The following OCA2 variants were observed in gnomAD, a reference collection of about 807,000 sequenced individuals.
The protein encoded by OCA2 is P protein.
Under a neutral mutation model 100.2 loss-of-function variants are expected in OCA2, and 77 were observed. The observed-to-expected ratio is 0.77, with a 90% CI of 0.64 to 0.93. OCA2 has a LOEUF of 0.93. Ranked by LOEUF, OCA2 falls within the 40% of genes least tolerant of loss-of-function variation. The probability of loss-of-function intolerance (pLI) is 0.00; values close to 1 mark genes in which losing one functional copy is unlikely to be tolerated. For missense variants in OCA2, 1,062 were observed against 1,089.1 expected (o/e 0.98, Z 0.35); for synonymous variants, 432 against 439.2 (o/e 0.98, Z 0.21).
At chr15:28,069,100 G>A (rs1016184573) in intron 2 of OCA2, among the ~76,000 whole-genome samples, 3 of 152,076 alleles carry the variant, frequency 2.0e-5, no homozygotes, top group Non-Finnish European at 4.4e-5. Context: ...AAAGCAGTCA[G>A]GCAAGAGGAA....
At chr15:28,067,337 T>C (rs1179464684) in intron 2 of OCA2, among the ~76,000 whole-genome samples, 1 of 152,004 alleles carries the variant, frequency 6.6e-6, no homozygotes, top group Non-Finnish European at 1.5e-5. Flanking sequence ...TGATCTTTCG[T>C]ATGGATTTTT....
At chr15:27,805,285 C>G (rs1279071319) in intron 23 of OCA2, among the ~76,000 whole-genome samples, 1 of 152,266 alleles carries the variant, frequency 6.6e-6, no homozygotes, top group Admixed American at 6.5e-5. Context: ...GTTGAAAACA[C>G]AGCGCGGGCA....
chr15:27,808,320 G>C (rs2033940947), intron 23 of OCA2, among the ~76,000 whole-genome samples: 1 of 152,246 alleles, frequency 6.6e-6, no homozygotes, highest in Admixed American at 6.5e-5. Flanking sequence ...GGGAGCCTGA[G>C]CTGGCCATGG....
At chr15:27,949,962 A>C (rs1258654071) in intron 18 of OCA2, among the ~76,000 whole-genome samples, 1 of 152,212 alleles carries the variant, frequency 6.6e-6, no homozygotes. Context: ...AGGATTTAAA[A>C]GCAGAAAATA....
At chr15:27,875,181 A>G (rs912228640) in intron 19 of OCA2, among the ~76,000 whole-genome samples, 2 of 152,224 alleles carry the variant, frequency 1.3e-5, no homozygotes, top group Non-Finnish European at 2.9e-5. Flanking sequence ...TAAAACTACA[A>G]ATCAACTCTA....
rs559968093 is a variant in OCA2 at position 27,838,621 on chromosome 15, A to G, written c.2432+6338T>C. On this transcript the variant is annotated intron_variant, in intron 23 of 23. Coordinates refer to ENST00000354638, the MANE Select transcript of OCA2 (RefSeq NM_000275.3). ...TAAAACTATTAGACTCTGAAGATAA[A>G]TTTGTAAAACCCTCCAAGCCTGTAG... Among the ~76,000 whole-genome samples the G allele has an allele frequency of 2.5e-4, 38 of 152,352 alleles. No homozygotes were observed. In the South Asian group the frequency reaches 6.8e-3, roughly 27 times the overall value.
chr15:27,826,271 T>C (rs1271992004), intron 23 of OCA2, among the ~76,000 whole-genome samples: 1 of 152,186 alleles, frequency 6.6e-6, no homozygotes, highest in Non-Finnish European at 1.5e-5. Flanking sequence ...AGTTACTGCA[T>C]TCCATGCCTG....
At position 27,896,438 on chromosome 15, in the gene OCA2, G is replaced by A. The variant is rs1595596212; in HGVS notation, c.2080-24516C>T. On this transcript the variant is annotated intron_variant, in intron 19 of 23. Transcript: ENST00000354638. ...AGAAAGCTCATGCTGCTATATGAGA[G>A]AATCCCATCTAGGAGAAGAAGCCCA... The A allele has an allele frequency of 3.2e-5, 22 of 684,124 alleles. No individual in the cohort carries two copies. In the East Asian group the frequency reaches 5.6e-4, roughly 17 times the overall value. 42.4% of individuals were successfully genotyped at this position (684,124 alleles called of 1,614,324 possible).
intron 2 of OCA2, among the ~76,000 whole-genome samples, chr15:28,069,459 CG>C (rs1158276982): frequency 2.5e-5 from 3 of 118,196 alleles, no homozygotes; most frequent in Non-Finnish European, 5.0e-5. Context: ...CCCTCTCATG[CG>C]GGGCCGAAGC....
In OCA2 at chr15:27,983,483, C is replaced by A. The variant is rs778045887; in HGVS notation, c.1365G>T (p.Arg455Ser). Residue 455 changes from arginine to serine, a missense_variant and splice_region_variant, in exon 14 of 24, where the codon AGG becomes AGT. Physicochemically the swap from Arg to Ser is moderately radical, Grantham distance 110. Coordinates refer to ENST00000354638, the MANE Select transcript of OCA2 (RefSeq NM_000275.3). ...TMLLFTPVTIRLCEVLNLDPR... is the reference protein window; with the variant it reads ...TMLLFTPVTISLCEVLNLDPR... The stretch of plus-strand genomic sequence containing the variant: ...GATCAAGGTTGAGCACCTCACACAA[C>A]CTGTCACAAATGGAGGAAAATGAAA... The A allele has an allele frequency of 6.2e-7, 1 of 1,614,220 alleles. No individual in the cohort carries two copies. Among genetic ancestry groups the A allele is most frequent in the Non-Finnish European group, 8.5e-7 (1 of 1,180,036 alleles).
intron 23 of OCA2, among the ~76,000 whole-genome samples, chr15:27,777,829 T>C (rs2032322523): frequency 6.6e-6 from 1 of 152,202 alleles, no homozygotes; most frequent in Admixed American, 6.5e-5. Flanking sequence ...CTGTTGACTA[T>C]TCTGACTGCC....
In OCA2 at chr15:27,913,854, A is replaced by G. The variant is rs200071260; in HGVS notation, c.2079+12273T>C. 7.2e-4 allele frequency among the ~76,000 whole-genome samples: 29 copies of G among 40,142 alleles called. 2 individuals carry two copies. In the South Asian group the frequency reaches 8.3e-3, roughly 12 times the overall value. 26.3% of individuals were successfully genotyped at this position (40,142 alleles called of 152,430 possible). The stretch of plus-strand genomic sequence containing the variant: ...AGAAAGAAAGGAAAGAAAGAAAGAA[A>G]GAAAGAAAGAAAGAAAGAAAGAAAG... On this transcript the variant is annotated intron_variant, in intron 19 of 23. Coordinates refer to ENST00000354638, the MANE Select transcript of OCA2 (RefSeq NM_000275.3).
chr15:27,770,870 C>CCATCCCCTT (rs2031734550), intron 23 of OCA2, among the ~76,000 whole-genome samples: 1 of 135,726 alleles, frequency 7.4e-6, no homozygotes, highest in African/African-American at 3.4e-5. Flanking sequence ...TCCTTCCTTC[C>CCATCCCCTT]CTCCTTCCTT....
At chr15:27,990,522 T>G in intron 10 of OCA2, 54 bp downstream of exon 10, 13 of 1,535,556 alleles carry the variant, frequency 8.5e-6, no homozygotes, top group African/African-American at 1.4e-5. Flanking sequence ...GGAACATCTT[T>G]GAGCTGACAT....
chr15:27,769,187 G>A (rs2031520034), intron 23 of OCA2, among the ~76,000 whole-genome samples: 2 of 152,290 alleles, frequency 1.3e-5, no homozygotes, highest in African/African-American at 2.4e-5. Context: ...ATCTCCCTCC[G>A]GGGTGATTTT....
chr15:28,017,125 A>G (rs1442525544), intron 7 of OCA2, among the ~76,000 whole-genome samples: 1 of 152,010 alleles, frequency 6.6e-6, no homozygotes, highest in Non-Finnish European at 1.5e-5. Flanking sequence ...CACAAAGGAC[A>G]CTGAAAATAG....
chr15:28,014,179 G>T (rs1022730031), intron 9 of OCA2, among the ~76,000 whole-genome samples: 2 of 152,122 alleles, frequency 1.3e-5, no homozygotes, highest in Non-Finnish European at 2.9e-5. Flanking sequence ...AAGCAACAAC[G>T]GACCTGCCCA....
chr15:28,032,263 T>C, intron 2 of OCA2, 100 bp from the exon 3 acceptor site: 1 of 938,938 alleles, frequency 1.1e-6, no homozygotes, highest in Non-Finnish European at 1.7e-6. Context: ...CAAGATTCAG[T>C]GATAAATCTT....
chr15:28,001,613 G>GA (rs1450221941), intron 9 of OCA2, among the ~76,000 whole-genome samples: 3 of 152,072 alleles, frequency 2.0e-5, no homozygotes, highest in Non-Finnish European at 2.9e-5. Flanking sequence ...TGTGAAGGAG[G>GA]AAAAAAATAA....
Sources: gnomAD v4.1 joint callset for allele counts (sites outside exome capture counted in the v4.1 genomes callset) on GRCh38, gnomAD v4.1.1 for gene constraint, MANE v1.5 for transcripts, NCBI Gene and HGNC (gene_info 2026-07-23, HGNC 2026-07-21) for gene names.